MAGI2: variants seen among roughly 807,000 people sequenced by gnomAD.
MAGI2 encodes the protein membrane associated guanylate kinase, WW and PDZ domain containing 2.
A neutral mutation model predicts 133.3 loss-of-function variants in MAGI2; 35 were observed. The ratio of observed to expected loss-of-function variants is 0.26; its 90% CI spans 0.20 to 0.35. MAGI2 has a LOEUF of 0.35. Among genes scored for constraint, MAGI2 ranks in the 10% least tolerant of loss-of-function variants. MAGI2 has a pLI of 1.00. For missense variants in MAGI2, 1,636 were observed against 1,863.4 expected, an observed-to-expected ratio of 0.88 and a Z score of 2.25; for synonymous variants, 729 against 710.6, an observed-to-expected ratio of 1.03 and a Z score of -0.41.
At chr7:78,857,712 C>G (rs555884323) in intron 2 of MAGI2, among the ~76,000 whole-genome samples, 2 of 152,222 alleles carry the variant, frequency 1.3e-5, no homozygotes, top group East Asian at 3.9e-4. Context: ...GTCTAAAATT[C>G]TCTTTTTTTG....
At chr7:78,027,961 T>A (rs1809125825) in intron 21 of MAGI2, among the ~76,000 whole-genome samples, 1 of 152,358 alleles carries the variant, frequency 6.6e-6, no homozygotes, top group Middle Eastern at 3.4e-3. Context: ...TGAAATCTAT[T>A]TTCTTTTAAT....
chr7:78,862,556 C>T (rs1002129315), intron 2 of MAGI2, among the ~76,000 whole-genome samples: 2 of 152,300 alleles, frequency 1.3e-5, no homozygotes, highest in African/African-American at 2.4e-5. Context: ...ACCTCAACTG[C>T]ATCATTTCCA....
Position 78,020,066 on chromosome 7 carries a change from G to A in MAGI2, c.3707-90C>T, listed in dbSNP as rs547902054. 1,680 of 1,205,180 alleles carry A rather than the reference G, an allele frequency of 1.4e-3. 19 individuals carry two copies. In the African/African-American group the frequency reaches 0.022, roughly 15 times the overall value. 74.7% of individuals were successfully genotyped at this position (1,205,180 alleles called of 1,614,324 possible). Reference sequence around the variant, plus strand: ...CCGGGGACAGGGGCAGGCAGCTGGGGCGATTGCTCTCAGGGGCCGGAGCCA... The same window carrying A: ...CCGGGGACAGGGGCAGGCAGCTGGGACGATTGCTCTCAGGGGCCGGAGCCA... On this transcript the variant is annotated intron_variant, in intron 21 of 21. Transcript: ENST00000354212.
At chr7:79,098,196 T>C (rs747869522) in intron 1 of MAGI2, among the ~76,000 whole-genome samples, 4 of 152,200 alleles carry the variant, frequency 2.6e-5, no homozygotes, top group Non-Finnish European at 5.9e-5. Flanking sequence ...TGTGTAATAG[T>C]TGGAGCTTAA....
chr7:78,388,212 G>A (rs1373467680), intron 6 of MAGI2, among the ~76,000 whole-genome samples: 3 of 151,976 alleles, frequency 2.0e-5, no homozygotes, highest in Non-Finnish European at 4.4e-5. Flanking sequence ...ACAATGCTTG[G>A]CACTCAATAA....
intron 1 of MAGI2, among the ~76,000 whole-genome samples, chr7:79,115,866 T>TTA (rs1819359644): frequency 2.7e-5 from 4 of 149,162 alleles, no homozygotes; most frequent in African/African-American, 9.9e-5. Context: ...TTTTTTTTTT[T>TTA]TTTTTTTTTT....
intron 9 of MAGI2, among the ~76,000 whole-genome samples, chr7:78,342,996 T>A (rs1470429883): frequency 6.6e-6 from 1 of 152,160 alleles, no homozygotes; most frequent in Admixed American, 6.6e-5. Context: ...GAATCAGCAC[T>A]TAAAAGACAT....
intron 1 of MAGI2, among the ~76,000 whole-genome samples, chr7:79,418,010 T>C (rs916458900): frequency 6.6e-6 from 1 of 152,082 alleles, no homozygotes; most frequent in African/African-American, 2.4e-5. Flanking sequence ...TTTTCATGTG[T>C]ACAGGCATTA....
intron 1 of MAGI2, among the ~76,000 whole-genome samples, chr7:79,356,050 C>T (rs899527942): frequency 3.3e-5 from 5 of 152,232 alleles, no homozygotes; most frequent in South Asian, 4.1e-4. Flanking sequence ...TCCATACATA[C>T]ATTTACAGCA....
chr7:78,123,961 G>A (rs1490194446), intron 20 of MAGI2, among the ~76,000 whole-genome samples: 2 of 152,178 alleles, frequency 1.3e-5, no homozygotes, highest in Admixed American at 6.5e-5. Context: ...TAAGAAAGAG[G>A]AATCTTTTCC....
chr7:79,041,185 TC>T (rs1394403290), intron 1 of MAGI2, among the ~76,000 whole-genome samples: 1 of 152,172 alleles, frequency 6.6e-6, no homozygotes, highest in Non-Finnish European at 1.5e-5. Context: ...AGATAAACAA[TC>T]TTTTTCTAGT....
intron 1 of MAGI2, among the ~76,000 whole-genome samples, chr7:79,230,253 C>T (rs959763704): frequency 4.7e-5 from 7 of 150,496 alleles, no homozygotes; most frequent in Admixed American, 1.3e-4. Flanking sequence ...AATAAACATA[C>T]GTGTGCATGT....
intron 1 of MAGI2, among the ~76,000 whole-genome samples, chr7:79,225,366 G>A (rs1294831406): frequency 6.6e-6 from 1 of 152,190 alleles, no homozygotes; most frequent in Admixed American, 6.5e-5. Flanking sequence ...CTAAAATAGA[G>A]GTGGAAATTA....
At chr7:78,717,898 A>G (rs373054432) in intron 2 of MAGI2, among the ~76,000 whole-genome samples, 1 of 152,188 alleles carries the variant, frequency 6.6e-6, no homozygotes, top group Non-Finnish European at 1.5e-5. Context: ...AAATACTGTG[A>G]AAGTCAGTTT....
intron 21 of MAGI2, among the ~76,000 whole-genome samples, chr7:78,067,513 C>A (rs1048708366): frequency 2.6e-5 from 4 of 152,160 alleles, no homozygotes; most frequent in African/African-American, 9.7e-5. Context: ...GCATGCTGAA[C>A]CGACCAGAGA....
At position 78,256,394 on chromosome 7, in the gene MAGI2, C is replaced by T. The variant is rs967100318; in HGVS notation, c.1596G>A (p.Arg532=). The part of the protein sequence containing the change: ...SMVPPLAIME[R]PPPVMVNGRH... ...TTCCATTGACCATCACTGGAGGTGG[C>T]CTCTCCATTATTGCAAGGGGTGGCA... Residue 532 remains arginine, a synonymous_variant, in exon 10 of 22, where the codon AGG becomes AGA. Transcript: ENST00000354212. 9.3e-6 allele frequency: 15 copies of T among 1,613,772 alleles called. No individual in the cohort carries two copies. The highest frequency in any genetic ancestry group is 1.3e-5 in the Non-Finnish European group (15 of 1,179,960).
chr7:78,688,528 A>G (rs1816624547), intron 2 of MAGI2, among the ~76,000 whole-genome samples: 1 of 152,256 alleles, frequency 6.6e-6, no homozygotes, highest in Non-Finnish European at 1.5e-5. Flanking sequence ...AGAAACACAC[A>G]TTAGAAGAAG....
chr7:78,631,394 G>T (rs1808982383), intron 2 of MAGI2, among the ~76,000 whole-genome samples: 2 of 152,078 alleles, frequency 1.3e-5, no homozygotes, highest in Admixed American at 6.5e-5. Context: ...CCAGGCGGTG[G>T]CTCTGTCACT....
intron 1 of MAGI2, among the ~76,000 whole-genome samples, chr7:79,241,879 C>G (rs945772484): frequency 1.3e-5 from 2 of 152,104 alleles, no homozygotes; most frequent in African/African-American, 4.8e-5. Context: ...ATCCTGTGGT[C>G]CCATCTAGAG....
Sources: allele counts gnomAD v4.1 joint callset (sites outside exome capture counted in the v4.1 genomes callset), GRCh38; gene constraint gnomAD v4.1.1; transcripts MANE v1.5; gene names NCBI Gene and HGNC (gene_info 2026-07-23, HGNC 2026-07-21).